Variants in FLI1 observed in about 807,000 individuals in gnomAD.
The protein encoded by FLI1 is Friend leukemia integration 1 transcription factor.
FLI1 carries 13 observed loss-of-function variants against 53.1 expected under a neutral mutation model. The ratio of observed to expected loss-of-function variants is 0.24; its 90% CI spans 0.16 to 0.39. FLI1 has a LOEUF of 0.39. FLI1 is among the 10% of genes least tolerant of loss of function. The pLI, the probability that FLI1 is intolerant of heterozygous loss-of-function variation, is 1.00. For synonymous variants in FLI1, 244 were observed against 236.7 expected (o/e 1.03, Z -0.28); for missense variants, 424 against 600.5 (o/e 0.71, Z 3.07).
intron 5 of FLI1, among the ~76,000 whole-genome samples, chr11:128,790,722 G>A (rs1188406009): frequency 1.3e-5 from 2 of 152,204 alleles, no homozygotes; most frequent in Non-Finnish European, 2.9e-5. Context: ...TGCCTTATTA[G>A]AGGTGGGCCT....
intron 2 of FLI1, among the ~76,000 whole-genome samples, chr11:128,761,192 C>T (rs1270783676): frequency 1.3e-5 from 2 of 152,182 alleles, no homozygotes; most frequent in Admixed American, 6.5e-5. Context: ...CCTCGTGCCT[C>T]AGAATCTCTT....
intron 1 of FLI1, 48 bp downstream of exon 1, chr11:128,694,324 G>A: frequency 7.7e-7 from 1 of 1,298,092 alleles, no homozygotes; most frequent in Non-Finnish European, 9.9e-7. Flanking sequence ...GGCCGGGGAG[G>A]CGAAGCGGCG....
chr11:128,693,793 A>G (rs1937870129), upstream of FLI1: 1 of 229,386 alleles, frequency 4.4e-6, no homozygotes, highest in Non-Finnish European at 8.5e-6. Flanking sequence ...CTGTGTGCGC[A>G]GCGCATGAAT....
chr11:128,758,399 C>T lies in FLI1; in HGVS notation c.230+73C>T, dbSNP rs1389078999. ...CAGATCTGCAGCAAGTGGCTTCTGGCACTTAAGGTTTTTGCAGCAGATGGG... is the reference window on the plus strand; with the variant it reads ...CAGATCTGCAGCAAGTGGCTTCTGGTACTTAAGGTTTTTGCAGCAGATGGG... On this transcript the variant is annotated intron_variant, in intron 2 of 8. Transcript: ENST00000527786. 4 of 1,311,084 alleles carry T rather than the reference C, an allele frequency of 3.1e-6. No homozygotes were observed. The East Asian group carries it at 7.4e-5, about 24-fold the overall frequency. The allele number at this position is 1,311,084 out of a possible 1,614,324, so 81.2% of individuals were successfully genotyped here. A position where few individuals can be genotyped will look rare whatever the true frequency, so the allele number is the denominator to read the frequency against.
intron 1 of FLI1, among the ~76,000 whole-genome samples, chr11:128,721,220 T>G (rs1939237720): frequency 6.6e-6 from 1 of 152,190 alleles, no homozygotes; most frequent in Non-Finnish European, 1.5e-5. Flanking sequence ...GATGCCTTCT[T>G]CTGCTGCCTT....
At chr11:128,796,697 G>A (rs1335702915) in intron 5 of FLI1, among the ~76,000 whole-genome samples, 10 of 152,232 alleles carry the variant, frequency 6.6e-5, no homozygotes, top group African/African-American at 2.2e-4. Context: ...GCTCTTGGCC[G>A]GGCGTGGTGG....
intron 1 of FLI1, among the ~76,000 whole-genome samples, chr11:128,711,132 T>C (rs1421529637): frequency 5.9e-5 from 9 of 152,212 alleles, no homozygotes; most frequent in Admixed American, 5.9e-4. Context: ...AAAGGAAATG[T>C]AAAATTGTGT....
chr11:128,706,570 G>T (rs1938555272), intron 1 of FLI1, among the ~76,000 whole-genome samples: 1 of 152,162 alleles, frequency 6.6e-6, no homozygotes, highest in Admixed American at 6.5e-5. Context: ...TGTGTCAAAA[G>T]ATGGGAACCA....
chr11:128,740,749 T>C (rs1004150908), intron 1 of FLI1, among the ~76,000 whole-genome samples: 4 of 152,178 alleles, frequency 2.6e-5, no homozygotes, highest in African/African-American at 9.7e-5. Context: ...AGTAGATTAG[T>C]ATTATAGGGT....
chr11:128,740,514 C>T (rs1451707481), intron 1 of FLI1, among the ~76,000 whole-genome samples: 1 of 152,218 alleles, frequency 6.6e-6, no homozygotes, highest in Non-Finnish European at 1.5e-5. Flanking sequence ...ACTTTTAGCT[C>T]CCCACTTTTT....
intron 3 of FLI1, among the ~76,000 whole-genome samples, chr11:128,769,624 G>A (rs1042815842): frequency 6.6e-6 from 1 of 152,066 alleles, no homozygotes; most frequent in Non-Finnish European, 1.5e-5. Context: ...AGACGGGTGG[G>A]GCTTGTAGAA....
intron 1 of FLI1, among the ~76,000 whole-genome samples, chr11:128,757,286 C>CA: frequency 6.6e-6 from 1 of 152,118 alleles, no homozygotes; most frequent in Non-Finnish European, 1.5e-5. Context: ...CAAAGTCACA[C>CA]CCAAGTCAGT....
intron 1 of FLI1, among the ~76,000 whole-genome samples, chr11:128,741,302 A>C (rs1013263315): frequency 6.6e-6 from 1 of 152,220 alleles, no homozygotes; most frequent in Non-Finnish European, 1.5e-5. Context: ...CTGAGGCAGG[A>C]GAATCGCTTG....
intron 6 of FLI1, chr11:128,805,741 T>C: frequency 3.6e-6 from 1 of 277,742 alleles, no homozygotes; most frequent in Non-Finnish European, 6.7e-6. Flanking sequence ...GCTTTTGTTA[T>C]TTAAATCAAG....
At chr11:128,697,540 A>C (rs769966301) in intron 1 of FLI1, among the ~76,000 whole-genome samples, 7 of 148,358 alleles carry the variant, frequency 4.7e-5, no homozygotes, top group Non-Finnish European at 7.4e-5. Flanking sequence ...AATTAACTTC[A>C]TGTGCCTTAT....
Position 128,696,625 on chromosome 11 carries a change from C to T in FLI1, c.18+2349C>T, listed in dbSNP as rs142994222. Among the ~76,000 whole-genome samples, 6 of 152,294 alleles carry T rather than the reference C, an allele frequency of 3.9e-5. No individual in the cohort carries two copies. In the East Asian group the frequency reaches 1.2e-3, roughly 29 times the overall value. On this transcript the variant is annotated intron_variant, in intron 1 of 8. Coordinates refer to ENST00000527786, the MANE Select transcript of FLI1 (RefSeq NM_002017.5). ...TCATATGTGTTTACAAGAACACTTG[C>T]CTGTATGTGCACTAAATCCAGCCCT...
Position 128,797,794 on chromosome 11 carries a change from G to T in FLI1, c.656-7572G>T, listed in dbSNP as rs1021077223. On this transcript the variant is annotated intron_variant, in intron 5 of 8. Transcript: ENST00000527786. ...AGAATGAATTTTTGAGAGAAACAAAGGTGCTTAAGATACAACCCCTCTTCC... is the reference window on the plus strand; with the variant it reads ...AGAATGAATTTTTGAGAGAAACAAATGTGCTTAAGATACAACCCCTCTTCC... Among the ~76,000 whole-genome samples the T allele has an allele frequency of 2.0e-5, 3 of 152,112 alleles. No individual in the cohort carries two copies. The East Asian group carries it at 5.8e-4, about 29-fold the overall frequency.
chr11:128,703,491 G>A (rs932818392), intron 1 of FLI1, among the ~76,000 whole-genome samples: 8 of 152,208 alleles, frequency 5.3e-5, no homozygotes, highest in Admixed American at 3.9e-4. Flanking sequence ...ATCAATTGTC[G>A]TATACACTGA....
chr11:128,801,198 A>G (rs971209895), intron 5 of FLI1, among the ~76,000 whole-genome samples: 5 of 152,308 alleles, frequency 3.3e-5, no homozygotes, highest in Admixed American at 6.5e-5. Context: ...CATAGCAGGC[A>G]CACCCTGCCT....
Sources: allele counts gnomAD v4.1 joint callset (sites outside exome capture counted in the v4.1 genomes callset), GRCh38; gene constraint gnomAD v4.1.1; transcripts MANE v1.5; gene names NCBI Gene and HGNC (gene_info 2026-07-23, HGNC 2026-07-21).